The following SEZ6 variants were observed in gnomAD, a reference collection of about 807,000 sequenced individuals.
SEZ6 encodes seizure related 6 homolog, also known as seizure protein 6 homolog.
A neutral mutation model predicts 101.0 loss-of-function variants in SEZ6; 53 were observed. The ratio of observed to expected loss-of-function variants is 0.52; its 90% CI spans 0.42 to 0.66. The LOEUF (loss-of-function observed/expected upper bound fraction) is 0.66, where lower values mean the gene tolerates loss of function less well. SEZ6 is among the 30% of genes least tolerant of loss of function. The pLI is 0.00. For synonymous variants in SEZ6, 488 were observed against 512.2 expected (o/e 0.95, Z 0.64); for missense variants, 1,102 against 1,289.4 (o/e 0.85, Z 2.23).
intron 10 of SEZ6, 68 bp from the exon 11 acceptor site, chr17:28,958,209 A>G: frequency 6.6e-7 from 1 of 1,523,076 alleles, no homozygotes; most frequent in Non-Finnish European, 8.9e-7. Flanking sequence ...CCTCACCTTG[A>G]GGGCACTCTG....
At chr17:28,996,088 C>A (rs1489793252) in intron 1 of SEZ6, among the ~76,000 whole-genome samples, 1 of 151,626 alleles carries the variant, frequency 6.6e-6, no homozygotes, top group Admixed American at 6.6e-5. Context: ...GCAAGCTCCG[C>A]CTCCCGGGTT....
rs1482928708 is a variant in SEZ6 at position 29,005,840 on chromosome 17, G to A, written c.30C>T (p.Pro10=). The part of the protein sequence containing the change: MRPVALLLL[P]SLLALLAHGL... The stretch of plus-strand genomic sequence containing the variant: ...CGTGAGCCAGGAGCGCCAGCAGCGA[G>A]GGCAGGAGCAGCAGGGCTACCGGGC... The change falls in exon 1 of 17, where the codon CCC becomes CCT. Residue 10 remains proline (P), a synonymous_variant. Coordinates refer to ENST00000317338, the MANE Select transcript of SEZ6 (RefSeq NM_178860.5). This position sits in a 1 kb window ranked among gnomAD's most constrained non-coding sequence, Gnocchi z 4.8. The A allele has an allele frequency of 6.7e-6, 10 of 1,486,538 alleles. No homozygotes were observed. Among genetic ancestry groups the A allele is most frequent in the Non-Finnish European group, 8.9e-6 (10 of 1,119,104 alleles). The allele number at this position is 1,486,538 out of a possible 1,614,324, so 92.1% of individuals were successfully genotyped here.
rs1431131444 is a variant in SEZ6, at chr17:28,955,868, G to A, written c.*94C>T. 7 of 1,401,820 alleles carry A rather than the reference G, an allele frequency of 5.0e-6. 1 individual carries two copies. Among genetic ancestry groups the A allele is most frequent in the Middle Eastern group, 1.8e-4 (1 of 5,708 alleles). 86.8% of individuals were successfully genotyped at this position (1,401,820 alleles called of 1,614,324 possible). ...TCCTCCTAGGTGGTATATACAGGAG[G>A]TGGAGGGACAGCAGGAAGCAAGGAG... On this transcript the variant is annotated 3_prime_UTR_variant, in exon 17 of 17. Transcript: ENST00000317338.
Position 28,959,208 on chromosome 17 carries a change from G to T in SEZ6, c.1924C>A (p.Pro642Thr). The change falls in exon 10 of 17, where the codon CCT becomes ACT. Residue 642 changes from proline to threonine, a missense_variant. Physicochemically the swap from Pro to Thr is conservative, Grantham distance 38. Coordinates refer to ENST00000317338, the MANE Select transcript of SEZ6 (RefSeq NM_178860.5). This position sits in a 1 kb window ranked among gnomAD's most constrained non-coding sequence, Gnocchi z 4.4. ...MLDIRVLRIG[P>T]GDVLTFYDGD... The stretch of plus-strand genomic sequence containing the variant: ...TCATAGAAGGTAAGCACATCACCAG[G>T]GCCTATGCGCAGCCTGTGAAGGAGG... 1 of 1,613,106 alleles carries T rather than the reference G, an allele frequency of 6.2e-7. No homozygotes were observed. The highest frequency in any genetic ancestry group is 8.5e-7 in the Non-Finnish European group (1 of 1,179,460).
rs1234652002 is a variant in SEZ6, at chr17:29,005,603, G to A, written c.55+212C>T. On this transcript the variant is annotated intron_variant, in intron 1 of 16. Coordinates refer to ENST00000317338, the MANE Select transcript of SEZ6 (RefSeq NM_178860.5). This position sits in a 1 kb window ranked among gnomAD's most constrained non-coding sequence, Gnocchi z 4.8. ...GGGAGATGATTAAAGACGAGGTCTC[G>A]GCCGGGCGCGAATGGCGGGAGCCGC... Among the ~76,000 whole-genome samples the A allele has an allele frequency of 6.6e-6, 1 of 151,790 alleles. No homozygotes were observed.
intron 5 of SEZ6, among the ~76,000 whole-genome samples, chr17:28,963,110 C>T (rs557201986): frequency 3.9e-4 from 57 of 145,334 alleles, no homozygotes; most frequent in Admixed American, 1.6e-3. Flanking sequence ...GGTGAAAGAG[C>T]GAGACTCCGT....
At position 28,963,421 on chromosome 17, in the gene SEZ6, C is replaced by A. The variant is rs2041017278; in HGVS notation, c.1240+541G>T. On this transcript the variant is annotated intron_variant, in intron 5 of 16. Transcript: ENST00000317338. ...TCATAAGCTTCAACAGCTCCTCAGC[C>A]TGTATCTTGCCCTGACACTCAAGGC... is the stretch of plus-strand genomic sequence containing the variant. Among the ~76,000 whole-genome samples the A allele has an allele frequency of 2.0e-5, 3 of 152,202 alleles. No homozygotes were observed. In the South Asian group the frequency reaches 6.2e-4, roughly 32 times the overall value.
At chr17:28,998,510 C>G (rs1315649611) in intron 1 of SEZ6, among the ~76,000 whole-genome samples, 1 of 152,028 alleles carries the variant, frequency 6.6e-6, no homozygotes, top group Non-Finnish European at 1.5e-5. Context: ...ATCCAAGCAG[C>G]GGGTCTCCCC....
chr17:28,973,396 G>A (rs1454103886), intron 3 of SEZ6, among the ~76,000 whole-genome samples: 1 of 152,188 alleles, frequency 6.6e-6, no homozygotes, highest in African/African-American at 2.4e-5. Flanking sequence ...TAAGATGTTG[G>A]GATTTGAGTT....
rs146910377 is a variant in SEZ6 at position 28,999,593 on chromosome 17, C to T, written c.55+6222G>A. 6.4e-3 allele frequency among the ~76,000 whole-genome samples: 970 copies of T among 152,294 alleles called. 4 individuals carry two copies. Among genetic ancestry groups the T allele is most frequent in the Middle Eastern group, 0.017 (5 of 294 alleles). Reference sequence around the variant, plus strand: ...AGAAATCCCAACAATCAATGGCCAACAACACTCTGCCTGTGGCTGCAGCAT... The same window carrying T: ...AGAAATCCCAACAATCAATGGCCAATAACACTCTGCCTGTGGCTGCAGCAT... On this transcript the variant is annotated intron_variant, in intron 1 of 16. Coordinates refer to ENST00000317338, the MANE Select transcript of SEZ6 (RefSeq NM_178860.5).
At chr17:28,967,534 G>A (rs993911779) in intron 4 of SEZ6, among the ~76,000 whole-genome samples, 2 of 152,238 alleles carry the variant, frequency 1.3e-5, no homozygotes, top group Non-Finnish European at 2.9e-5. Context: ...CACTCACAGT[G>A]ACCTGGGGAG....
In SEZ6 at chr17:28,969,826, G is replaced by C. The variant is rs778750236; in HGVS notation, c.985C>G (p.Gln329Glu). The change falls in exon 4 of 17, where the codon CAA becomes GAA. Residue 329 changes from glutamine to glutamate, a missense_variant. Gln to Glu is a conservative substitution (Grantham distance 29). Around this residue, in one of 3 missense-constraint regions of SEZ6, gnomAD observed 406 missense variants for 418.6 expected, o/e 0.97. Transcript: ENST00000317338. ...AGGCTCTGGAACCTCAGGGCCGCTTGGTGGGTGGGGCTGCGGATGACTTGG... is the reference window on the plus strand; with the variant it reads ...AGGCTCTGGAACCTCAGGGCCGCTTCGTGGGTGGGGCTGCGGATGACTTGG... The part of the protein sequence containing the change: ...RGQVIRSPTH[Q>E]AALRFQSLPP... 6.5e-7 allele frequency: 1 copy of C among 1,527,188 alleles called. No individual in the cohort carries two copies. Among genetic ancestry groups the C allele is most frequent in the Non-Finnish European group, 8.7e-7 (1 of 1,148,278 alleles). The allele number at this position is 1,527,188 out of a possible 1,614,324, so 94.6% of individuals were successfully genotyped here.
intron 1 of SEZ6, among the ~76,000 whole-genome samples, chr17:29,002,303 C>T (rs556316779): frequency 2.8e-4 from 42 of 152,272 alleles, no homozygotes; most frequent in African/African-American, 9.6e-4. Flanking sequence ...TTCTGATATG[C>T]TCCCCATATT....
Position 28,969,800 on chromosome 17 carries a change from G to A in SEZ6, c.1011C>T (p.Leu337=), listed in dbSNP as rs752050486. 2.6e-6 allele frequency: 4 copies of A among 1,510,230 alleles called. No individual in the cohort carries two copies. The highest frequency in any genetic ancestry group is 3.5e-6 in the Non-Finnish European group (4 of 1,139,520). The allele number at this position is 1,510,230 out of a possible 1,614,324, so 93.6% of individuals were successfully genotyped here. The change falls in exon 4 of 17, where the codon CTC becomes CTT. Residue 337 remains leucine (L), a synonymous_variant. Coordinates refer to ENST00000317338, the MANE Select transcript of SEZ6 (RefSeq NM_178860.5). ...AGGTGCCAGGGCCAGCCGGTGGCGGGAGGCTCTGGAACCTCAGGGCCGCTT... is the reference window on the plus strand; with the variant it reads ...AGGTGCCAGGGCCAGCCGGTGGCGGAAGGCTCTGGAACCTCAGGGCCGCTT... ...THQAALRFQS[L]PPPAGPGTFH...
In SEZ6 at chr17:28,955,002, A is replaced by G. The variant is rs1208702259; in HGVS notation, c.*960T>C. 1 of 150,266 alleles carries G rather than the reference A, an allele frequency of 6.7e-6. No individual in the cohort carries two copies. The highest frequency in any genetic ancestry group is 2.5e-5 in the African/African-American group (1 of 40,492). 9.3% of individuals were successfully genotyped at this position (150,266 alleles called of 1,614,324 possible). A position where few individuals can be genotyped will look rare whatever the true frequency, so the allele number is the denominator to read the frequency against. On this transcript the variant is annotated 3_prime_UTR_variant, in exon 17 of 17. Coordinates refer to ENST00000317338, the MANE Select transcript of SEZ6 (RefSeq NM_178860.5). Reference sequence around the variant, plus strand: ...TCTCTGGCTGGAGCCCAGACCCCATATAATACATTACATGTACAAAGTGGC... The same window carrying G: ...TCTCTGGCTGGAGCCCAGACCCCATGTAATACATTACATGTACAAAGTGGC...
At chr17:28,985,670 G>A (rs2041369721) in intron 1 of SEZ6, among the ~76,000 whole-genome samples, 1 of 152,224 alleles carries the variant, frequency 6.6e-6, no homozygotes, top group South Asian at 2.1e-4. Context: ...TTCTAGGGTA[G>A]GAAGGGGTGG....
At chr17:28,976,968 T>C (rs1224278082) in intron 3 of SEZ6, among the ~76,000 whole-genome samples, 1 of 152,230 alleles carries the variant, frequency 6.6e-6, no homozygotes, top group Non-Finnish European at 1.5e-5. Flanking sequence ...CCGTGGTCAT[T>C]GTTTATGATT....
chr17:29,004,129 C>T (rs1458323161), intron 1 of SEZ6, among the ~76,000 whole-genome samples: 1 of 152,210 alleles, frequency 6.6e-6, no homozygotes, highest in East Asian at 1.9e-4. Context: ...AGATTCGGAC[C>T]ACTTGAAGTG....
chr17:28,956,428 G>A lies in SEZ6; in HGVS notation c.2771C>T (p.Ala924Val). The A allele has an allele frequency of 1.3e-6, 2 of 1,563,528 alleles. No homozygotes were observed. The highest frequency in any genetic ancestry group is 1.4e-5 in the African/African-American group (1 of 73,772). The change falls in exon 15 of 17, where the codon GCC becomes GTC. Residue 924 changes from alanine (A) to valine (V), a missense_variant. Ala to Val is a moderately conservative substitution (Grantham distance 64, BLOSUM62 0). Transcript: ENST00000317338. The stretch of plus-strand genomic sequence containing the variant: ...CAAGAAGATGGCAGCTGCAATGTGG[G>A]CAGCATCCAGGGTGCTGGAGGCAGC... ...APAASSTLDAAHIAAAIFLPL... is the reference protein window; with the variant it reads ...APAASSTLDAVHIAAAIFLPL...
Sources: allele counts gnomAD v4.1 joint callset (sites outside exome capture counted in the v4.1 genomes callset), GRCh38; gene constraint gnomAD v4.1.1; regional missense constraint gnomAD v4.1.1; non-coding constraint Gnocchi (gnomAD v3.1); transcripts MANE v1.5; gene names NCBI Gene and HGNC (gene_info 2026-07-23, HGNC 2026-07-21).